RMDN1: variants seen among roughly 807,000 people sequenced by gnomAD.
RMDN1 encodes regulator of microtubule dynamics 1, also known as regulator of microtubule dynamics protein 1.
RMDN1 carries 48 observed loss-of-function variants against 48.9 expected under a neutral mutation model. The observed-to-expected ratio is 0.98, with a 90% CI of 0.78 to 1.25. RMDN1 has a LOEUF of 1.25. RMDN1 is among the 50% of genes most tolerant of loss of function. RMDN1 has a pLI of 0.00. For missense variants in RMDN1, 418 were observed against 373.4 expected, an observed-to-expected ratio of 1.12 and a Z score of -0.98; for synonymous variants, 148 against 132.6, an observed-to-expected ratio of 1.12 and a Z score of -0.80.
At chr8:86,509,524 A>G (rs1205524859), upstream of RMDN1, among the ~76,000 whole-genome samples, 2 of 152,148 alleles carry the variant, frequency 1.3e-5, no homozygotes, top group East Asian at 3.9e-4. Context: ...TCTTATGGGT[A>G]ATAAGGGAGG....
chr8:86,481,980 G>A, intron 5 of RMDN1: 2 of 867,184 alleles, frequency 2.3e-6, no homozygotes, highest in Non-Finnish European at 3.8e-6. Context: ...ATCCACATGT[G>A]GAAATGGTGT....
At chr8:86,508,722 G>A (rs2131386381), upstream of RMDN1, 31 of 1,418,116 alleles carry the variant, frequency 2.2e-5, no homozygotes, top group Non-Finnish European at 2.8e-5. Flanking sequence ...GCGCCCGCCC[G>A]CCTCCTGCAC....
chr8:86,480,565 T>G (rs1322684391), intron 5 of RMDN1, among the ~76,000 whole-genome samples: 1 of 152,104 alleles, frequency 6.6e-6, no homozygotes, highest in East Asian at 1.9e-4. Flanking sequence ...TTATAGTAAG[T>G]GTCTATCAAG....
downstream of RMDN1, chr8:86,470,355 C>G (rs1176940711): frequency 2.3e-6 from 3 of 1,289,076 alleles, no homozygotes. Context: ...AGTAATGGGT[C>G]TCACCCTTAG....
intron 5 of RMDN1, among the ~76,000 whole-genome samples, 155 bp from the exon 6 acceptor site, chr8:86,480,487 G>A (rs1814197133): frequency 6.6e-6 from 1 of 151,952 alleles, no homozygotes; most frequent in South Asian, 2.1e-4. Context: ...CTGATTCTTT[G>A]ATTAAATTCA....
At chr8:86,480,912 TAG>T (rs1384440166) in intron 5 of RMDN1, among the ~76,000 whole-genome samples, 1 of 152,136 alleles carries the variant, frequency 6.6e-6, no homozygotes, top group Non-Finnish European at 1.5e-5. Context: ...AGAATATTAA[TAG>T]AATAATTATG....
chr8:86,480,698 C>T (rs940159856), intron 5 of RMDN1, among the ~76,000 whole-genome samples: 2 of 152,006 alleles, frequency 1.3e-5, no homozygotes, highest in African/African-American at 4.8e-5. Context: ...ACTTTCTTGG[C>T]AAACTGTAGA....
At chr8:86,483,533 T>C (rs1009002597) in intron 5 of RMDN1, among the ~76,000 whole-genome samples, 2 of 152,250 alleles carry the variant, frequency 1.3e-5, no homozygotes, top group Non-Finnish European at 2.9e-5. Context: ...AATTACATCA[T>C]GTAATCTCAT....
At chr8:86,507,947 C>T (rs1405052588) in intron 1 of RMDN1, among the ~76,000 whole-genome samples, 1 of 152,160 alleles carries the variant, frequency 6.6e-6, no homozygotes, top group African/African-American at 2.4e-5. Context: ...TAAACAGAGG[C>T]CCACGAGCAG....
chr8:86,474,678 C>A, intron 9 of RMDN1, 142 bp downstream of exon 9: 1 of 859,846 alleles, frequency 1.2e-6, no homozygotes, highest in South Asian at 1.4e-5. Context: ...ATATAAATGT[C>A]AATCAATTTA....
chr8:86,508,252 G>T, intron 1 of RMDN1: 1 of 444,162 alleles, frequency 2.3e-6, no homozygotes, highest in Non-Finnish European at 4.0e-6. Context: ...CGGGTAGCAG[G>T]CAGCTTCTGG....
downstream of RMDN1, chr8:86,470,287 C>T (rs781360642): frequency 7.8e-7 from 1 of 1,289,272 alleles, no homozygotes; most frequent in East Asian, 5.6e-5. Flanking sequence ...CACACAAGAA[C>T]AATCAGGTGG....
intron 4 of RMDN1, 31 bp from the exon 5 acceptor site, chr8:86,484,992 A>T: frequency 1.7e-6 from 2 of 1,151,042 alleles, no homozygotes; most frequent in Non-Finnish European, 2.6e-6. Context: ...AAGAACAATA[A>T]TATTCTTAAT....
intron 2 of RMDN1, among the ~76,000 whole-genome samples, chr8:86,491,199 A>T (rs1816440856): frequency 6.6e-6 from 1 of 152,140 alleles, no homozygotes; most frequent in African/African-American, 2.4e-5. Context: ...CAGCGGCACT[A>T]TGTCGGCTCA....
chr8:86,497,519 G>A (rs1025409191), intron 2 of RMDN1, among the ~76,000 whole-genome samples: 2 of 151,694 alleles, frequency 1.3e-5, no homozygotes, highest in African/African-American at 4.8e-5. Flanking sequence ...TGACCAACAT[G>A]GTGAAACCCT....
At chr8:86,472,009 A>G (rs1812637991), downstream of RMDN1, among the ~76,000 whole-genome samples, 1 of 152,228 alleles carries the variant, frequency 6.6e-6, no homozygotes, top group Non-Finnish European at 1.5e-5. Flanking sequence ...GAAAATTTGA[A>G]TATGGGTAGA....
At chr8:86,500,579 T>A (rs1283216413) in intron 2 of RMDN1, among the ~76,000 whole-genome samples, 4 of 151,678 alleles carry the variant, frequency 2.6e-5, no homozygotes, top group Non-Finnish European at 5.9e-5. Context: ...GGAATACTTA[T>A]ACACTGCTGG....
At chr8:86,470,167 T>G (rs1314347121), downstream of RMDN1, 11 of 1,288,536 alleles carry the variant, frequency 8.5e-6, no homozygotes, top group Admixed American at 2.3e-5. Context: ...AATGGAGAGA[T>G]ATAGCCTATG....
At chr8:86,472,185 TAC>T (rs1165657949), downstream of RMDN1, among the ~76,000 whole-genome samples, 1 of 152,176 alleles carries the variant, frequency 6.6e-6, no homozygotes, top group Non-Finnish European at 1.5e-5. Flanking sequence ...TATGTGTCTA[TAC>T]ACACACAAAC....
Sources: allele counts gnomAD v4.1 joint callset (sites outside exome capture counted in the v4.1 genomes callset), GRCh38; gene constraint gnomAD v4.1.1; transcripts MANE v1.5; gene names NCBI Gene and HGNC (gene_info 2026-07-23, HGNC 2026-07-21).